Variants in SLC24A2 observed in about 807,000 individuals in gnomAD.
The protein encoded by SLC24A2 is sodium/potassium/calcium exchanger 2.
A neutral mutation model predicts 62.0 loss-of-function variants in SLC24A2; 36 were observed. That is an observed-to-expected ratio of 0.58 (90% CI 0.44 to 0.77). The LOEUF is 0.77. Among genes scored for constraint, SLC24A2 ranks in the 30% least tolerant of loss-of-function variants. The pLI, the probability that SLC24A2 is intolerant of heterozygous loss-of-function variation, is 0.00. For missense variants in SLC24A2, 846 were observed against 817.9 expected, an observed-to-expected ratio of 1.03 and a Z score of -0.42; for synonymous variants, 358 against 294.0, an observed-to-expected ratio of 1.22 and a Z score of -2.23.
chr9:19,735,245 C>T (rs1226359828), intron 2 of SLC24A2, among the ~76,000 whole-genome samples: 1 of 152,072 alleles, frequency 6.6e-6, no homozygotes, highest in Admixed American at 6.5e-5. Flanking sequence ...AGCCAAAAGA[C>T]ACATGAAAAG....
the SLC24A2 span, among the ~76,000 whole-genome samples, chr9:20,111,138 G>A: frequency 2.6e-5 from 4 of 152,304 alleles, no homozygotes; most frequent in East Asian, 1.9e-4. Flanking sequence ...GACTTATGGT[G>A]GATGGCATCA....
chr9:19,695,345 T>C (rs990424226), intron 2 of SLC24A2, among the ~76,000 whole-genome samples: 2 of 152,134 alleles, frequency 1.3e-5, no homozygotes, highest in Admixed American at 6.5e-5. Flanking sequence ...AAAGGCTCTT[T>C]TGGGCTTTGG....
chr9:19,701,679 C>T (rs1322486296), intron 2 of SLC24A2, among the ~76,000 whole-genome samples: 1 of 152,158 alleles, frequency 6.6e-6, no homozygotes, highest in Non-Finnish European at 1.5e-5. Flanking sequence ...CACAAGTAGA[C>T]CCAAACTGTG....
At chr9:19,724,471 C>G (rs1042648656) in intron 2 of SLC24A2, among the ~76,000 whole-genome samples, 2 of 152,136 alleles carry the variant, frequency 1.3e-5, no homozygotes, top group African/African-American at 4.8e-5. Context: ...AAAAGATGAA[C>G]TGGGGAAATG....
chr9:19,822,014 G>A, the SLC24A2 span, among the ~76,000 whole-genome samples: 4 of 152,076 alleles, frequency 2.6e-5, no homozygotes, highest in African/African-American at 7.2e-5. Flanking sequence ...ACATTTAATG[G>A]TATGAGGCAT....
chr9:19,886,347 T>C, the SLC24A2 span, among the ~76,000 whole-genome samples: 6 of 152,158 alleles, frequency 3.9e-5, no homozygotes, highest in Non-Finnish European at 5.9e-5. Flanking sequence ...CTCTAATGAT[T>C]GAGCATTTTT....
intron 2 of SLC24A2, among the ~76,000 whole-genome samples, chr9:19,648,801 T>C (rs993364070): frequency 9.9e-5 from 15 of 152,146 alleles, no homozygotes; most frequent in African/African-American, 3.4e-4. Context: ...GGTCAATCTG[T>C]ATTCAGTTTC....
chr9:19,948,831 C>A, the SLC24A2 span, among the ~76,000 whole-genome samples: 1 of 100,898 alleles, frequency 9.9e-6, no homozygotes. Flanking sequence ...GGCAACAGAA[C>A]GAGACTCCGT....
chr9:20,075,588 T>C, the SLC24A2 span, among the ~76,000 whole-genome samples: 3 of 152,068 alleles, frequency 2.0e-5, no homozygotes, highest in Non-Finnish European at 2.9e-5. Context: ...AGGCTATGAG[T>C]AGGAGATCAG....
chr9:19,581,236 C>A (rs1160309290), intron 5 of SLC24A2, among the ~76,000 whole-genome samples: 1 of 152,146 alleles, frequency 6.6e-6, no homozygotes, highest in East Asian at 1.9e-4. Flanking sequence ...GAAAAAGGAT[C>A]ATTTTAGATC....
chr9:20,150,600 A>G, the SLC24A2 span, among the ~76,000 whole-genome samples: 1 of 151,962 alleles, frequency 6.6e-6, no homozygotes, highest in Non-Finnish European at 1.5e-5. Context: ...TATTTCTAGG[A>G]ATCTAGCCTA....
the SLC24A2 span, among the ~76,000 whole-genome samples, chr9:19,958,985 G>T: frequency 6.6e-6 from 1 of 152,160 alleles, no homozygotes; most frequent in Non-Finnish European, 1.5e-5. Context: ...TGTGTAGCAA[G>T]TCCCCCATCC....
the SLC24A2 span, among the ~76,000 whole-genome samples, chr9:20,263,663 A>C: frequency 1.3e-5 from 2 of 152,308 alleles, no homozygotes; most frequent in Admixed American, 6.5e-5. Context: ...CATGCACTAC[A>C]TGTTTACATG....
intron 8 of SLC24A2, among the ~76,000 whole-genome samples, chr9:19,533,264 T>C (rs956621795): frequency 6.6e-6 from 1 of 152,194 alleles, no homozygotes; most frequent in South Asian, 2.1e-4. Flanking sequence ...TGCCAGGCCC[T>C]AAGGAGGGGC....
At chr9:19,770,058 C>A (rs192922142) in intron 2 of SLC24A2, among the ~76,000 whole-genome samples, 1 of 151,088 alleles carries the variant, frequency 6.6e-6, no homozygotes, top group Non-Finnish European at 1.5e-5. Flanking sequence ...GAAGCAAATG[C>A]AGTCTATATT....
At chr9:19,636,318 T>TCTTTTCTTTTCTTC (rs1554690366) in intron 2 of SLC24A2, among the ~76,000 whole-genome samples, 1 of 32,220 alleles carries the variant, frequency 3.1e-5, no homozygotes, top group Non-Finnish European at 6.4e-5. Context: ...TCTTTTCTTT[T>TCTTTTCTTTTCTTC]CTTTCTTTCT....
chr9:19,761,422 T>C (rs1489734324), intron 2 of SLC24A2, among the ~76,000 whole-genome samples: 1 of 152,132 alleles, frequency 6.6e-6, no homozygotes, highest in East Asian at 1.9e-4. Context: ...GATGATGAGC[T>C]TTTTTTCATA....
chr9:19,717,582 T>G (rs1016976801), intron 2 of SLC24A2, among the ~76,000 whole-genome samples: 2 of 152,164 alleles, frequency 1.3e-5, no homozygotes, highest in Non-Finnish European at 2.9e-5. Context: ...TTTAAAAGAG[T>G]TATAGAAAAA....
intron 10 of SLC24A2, among the ~76,000 whole-genome samples, chr9:19,520,139 T>A (rs1275449823): frequency 2.6e-5 from 4 of 152,064 alleles, no homozygotes; most frequent in East Asian, 3.8e-4. Context: ...AAAGTAGGTG[T>A]TTTTAGTGAG....
Sources: gnomAD v4.1 joint callset for allele counts (sites outside exome capture counted in the v4.1 genomes callset) on GRCh38, gnomAD v4.1.1 for gene constraint, MANE v1.5 for transcripts, NCBI Gene and HGNC (gene_info 2026-07-23, HGNC 2026-07-21) for gene names.